Variants in ADAR observed in about 807,000 individuals in gnomAD.
The protein encoded by ADAR is adenosine deaminase RNA specific.
A neutral mutation model predicts 113.2 loss-of-function variants in ADAR; 41 were observed. The observed-to-expected ratio is 0.36, with a 90% CI of 0.28 to 0.47. The LOEUF (loss-of-function observed/expected upper bound fraction) is 0.47. Ranked by LOEUF, ADAR falls within the 20% of genes least tolerant of loss-of-function variation. The probability of loss-of-function intolerance (pLI) is 1.00; values close to 1 mark genes in which losing one functional copy is unlikely to be tolerated. For synonymous variants in ADAR, 605 were observed against 572.6 expected, an observed-to-expected ratio of 1.06 and a Z score of -0.81; for missense variants, 1,242 against 1,540.9, an observed-to-expected ratio of 0.81 and a Z score of 3.25.
chr1:154,613,633 G>A (rs763014888), intron 1 of ADAR, among the ~76,000 whole-genome samples: 21 of 152,010 alleles, frequency 1.4e-4, no homozygotes, highest in Non-Finnish European at 2.2e-4. Context: ...GGCCAGGCGC[G>A]GTGGCTCATG....
Position 154,590,419 on chromosome 1 carries a change from G to A in ADAR, c.2271-10C>T, listed in dbSNP as rs757060475. The A allele has an allele frequency of 6.2e-7, 1 of 1,613,294 alleles. No homozygotes were observed. The highest frequency in any genetic ancestry group is 8.5e-7 in the Non-Finnish European group (1 of 1,179,302). ...TGCTTGGTAAACGAACCTTTGGGAT[G>A]AGAAACAGAGAATGAAGACAAGTGC... On this transcript the variant is annotated splice_polypyrimidine_tract_variant and intron_variant, in intron 6 of 14. Coordinates refer to ENST00000368474, the MANE Select transcript of ADAR (RefSeq NM_001111.5).
At chr1:154,624,051 T>C (rs1426791459) in intron 1 of ADAR, among the ~76,000 whole-genome samples, 1 of 147,844 alleles carries the variant, frequency 6.8e-6, no homozygotes, top group African/African-American at 2.5e-5. Flanking sequence ...CAAGAGAGAA[T>C]GAAGTCAATA....
rs1470406907 is a variant in ADAR, at chr1:154,607,993, T to C, written c.14A>G (p.Gln5Arg). Reference protein sequence around the residue: MNPRQGYSLSGYYTH... With the variant: MNPRRGYSLSGYYTH... The stretch of plus-strand genomic sequence containing the variant: ...AGGTCCAAGGCCGGCCCGGCTTACC[T>C]GCCGCGGATTCATTGCGCCCGCGAG... The change falls in exon 1 of 15, where the codon CAG becomes CGG. Residue 5 changes from glutamine (Q) to arginine (R), a missense_variant and splice_region_variant. This residue lies in a region of ADAR where 462 missense variants were observed against 483.1 expected (regional missense o/e 0.96). Coordinates refer to ENST00000368474, the MANE Select transcript of ADAR (RefSeq NM_001111.5). The C allele has an allele frequency of 6.2e-7, 1 of 1,608,074 alleles. No individual in the cohort carries two copies. The highest frequency in any genetic ancestry group is 8.5e-7 in the Non-Finnish European group (1 of 1,177,708).
rs774772091 is a variant in ADAR at position 154,601,968 on chromosome 1, G to A, written c.674C>T (p.Pro225Leu). 8 of 1,614,040 alleles carry A rather than the reference G, an allele frequency of 5.0e-6. No homozygotes were observed. The highest frequency in any genetic ancestry group is 1.6e-4 in the Middle Eastern group (1 of 6,062). ...GHSQGAPNSDPSLEPEDRNST... is the reference protein window; with the variant it reads ...GHSQGAPNSDLSLEPEDRNST... ...GTTTCTGTCTTCCGGTTCCAAACTC[G>A]GGTCTGAGTTTGGGGCTCCTTGGCT... The change falls in exon 2 of 15, where the codon CCG becomes CTG. Residue 225 changes from proline (P) to leucine (L), a missense_variant. Transcript: ENST00000368474. This position sits in a 1 kb window ranked among gnomAD's most constrained non-coding sequence, Gnocchi z 4.7.
intron 1 of ADAR, 74 bp from the exon 2 acceptor site, chr1:154,602,700 G>C: frequency 6.4e-7 from 1 of 1,570,864 alleles, no homozygotes; most frequent in South Asian, 1.1e-5. Context: ...CCCTCCCTTT[G>C]CTGCCTGTGG....
chr1:154,589,307 G>T, intron 9 of ADAR, 62 bp downstream of exon 9: 2 of 1,317,294 alleles, frequency 1.5e-6, no homozygotes, highest in Non-Finnish European at 1.1e-6. Flanking sequence ...AGAGCCATGT[G>T]GGGCAGGGAA....
At position 154,598,566 on chromosome 1, in the gene ADAR, T is replaced by C; in HGVS notation, c.1621A>G (p.Ile541Val). Residue 541 changes from isoleucine to valine, a missense_variant, in exon 3 of 15, where the codon ATC becomes GTC. Transcript: ENST00000368474. ...GCTGGGGGAAACTCTCGGCCATTGA[T>C]GACAACCTGGAATTTAAATCTTGAC... ...HEPRFKFQVVINGREFPPAEA... is the reference protein window; with the variant it reads ...HEPRFKFQVVVNGREFPPAEA... 1 of 1,614,226 alleles carries C rather than the reference T, an allele frequency of 6.2e-7. No individual in the cohort carries two copies. The highest frequency in any genetic ancestry group is 8.5e-7 in the Non-Finnish European group (1 of 1,180,038).
In ADAR at chr1:154,622,065, A is replaced by G. The variant is rs139543306; in HGVS notation, c.-871+5790T>C. On this transcript the variant is annotated intron_variant, in intron 1 of 14. Coordinates refer to the ADAR transcript ENST00000368471. The stretch of plus-strand genomic sequence containing the variant: ...GGATGTGCTCTGCAGGGGCCTGAGG[A>G]TGTGGGTTTAGGCCCTCCCTGGGAG... Among the ~76,000 whole-genome samples, 6 of 152,136 alleles carry G rather than the reference A, an allele frequency of 3.9e-5. No individual in the cohort carries two copies. In the East Asian group the frequency reaches 1.2e-3, roughly 29 times the overall value.
At chr1:154,612,453 G>A (rs529826060), upstream of ADAR, among the ~76,000 whole-genome samples, 197 of 144,892 alleles carry the variant, frequency 1.4e-3, no homozygotes, top group African/African-American at 4.8e-3. Flanking sequence ...TCAGCCTCCC[G>A]AGTGGCTGGG....
chr1:154,594,369 C>A (rs551592428), intron 6 of ADAR, among the ~76,000 whole-genome samples: 3 of 152,308 alleles, frequency 2.0e-5, no homozygotes, highest in Admixed American at 2.0e-4. Context: ...TTTTTTCGAT[C>A]CTTCAAGAAA....
In ADAR at chr1:154,588,683, G is replaced by C. The variant is rs750394212; in HGVS notation, c.2763-10C>G. ...CTCACTGTAGAGAAACCTACAAAAAGAAAGTCTGGTTAGGAAGGCAGGTTC... is the reference window on the plus strand; with the variant it reads ...CTCACTGTAGAGAAACCTACAAAAACAAAGTCTGGTTAGGAAGGCAGGTTC... On this transcript the variant is annotated splice_polypyrimidine_tract_variant and intron_variant, in intron 9 of 14. Coordinates refer to ENST00000368474, the MANE Select transcript of ADAR (RefSeq NM_001111.5). 1.9e-5 allele frequency: 30 copies of C among 1,614,030 alleles called. No homozygotes were observed. In the East Asian group the frequency reaches 3.3e-4, roughly 18 times the overall value.
intron 6 of ADAR, among the ~76,000 whole-genome samples, chr1:154,594,303 T>G (rs1456044721): frequency 7.2e-5 from 11 of 152,200 alleles, no homozygotes; most frequent in Admixed American, 7.2e-4. Flanking sequence ...ATTCAAACAG[T>G]TAAGAGTGTA....
Position 154,601,810 on chromosome 1 carries a change from G to C in ADAR, c.832C>G (p.Pro278Ala). ...GCAGATGTGGAGTTGCTGTCTTCAGGTTCCAAACCTGGGTCTGAGTTTGGG... is the reference window on the plus strand; with the variant it reads ...GCAGATGTGGAGTTGCTGTCTTCAGCTTCCAAACCTGGGTCTGAGTTTGGG... ...GSPNSDPGLEPEDSNSTSALE... is the reference protein window; with the variant it reads ...GSPNSDPGLEAEDSNSTSALE... Residue 278 changes from proline to alanine, a missense_variant, in exon 2 of 15, where the codon CCT (proline) becomes GCT (alanine). By Grantham distance (27) the Pro-to-Ala change is conservative. Transcript: ENST00000368474. This position sits in a 1 kb window ranked among gnomAD's most constrained non-coding sequence, Gnocchi z 4.7. The C allele has an allele frequency of 1.9e-6, 3 of 1,614,204 alleles. No individual in the cohort carries two copies. The highest frequency in any genetic ancestry group is 2.5e-6 in the Non-Finnish European group (3 of 1,180,032).
rs1479892716 is a variant in ADAR at position 154,583,350 on chromosome 1, A to G, written c.*1456T>C. On this transcript the variant is annotated 3_prime_UTR_variant, in exon 15 of 15. Transcript: ENST00000368474. The stretch of plus-strand genomic sequence containing the variant: ...TAAAAGCCAACAAAGTCCCTTCAAC[A>G]TGAGTAAAGGAAACAGTTTCAAGCA... 6.6e-6 allele frequency: 1 copy of G among 152,204 alleles called. No individual in the cohort carries two copies. Among genetic ancestry groups the G allele is most frequent in the African/African-American group, 2.4e-5 (1 of 41,450 alleles). 9.4% of individuals were successfully genotyped at this position (152,204 alleles called of 1,614,324 possible). A position where few individuals can be genotyped will look rare whatever the true frequency, so the allele number is the denominator to read the frequency against.
In ADAR at chr1:154,585,309, T is replaced by C. The variant is rs1571047056; in HGVS notation, c.3351A>G (p.Gln1117=). ...CGCTTGTCTCCTTAGTCTTCCCGGA[T>C]TGCCTTTTGGAATCATATATGCTGA... ...GRVSIYDSKR[Q]SGKTKETSVN... is the part of the protein sequence containing the mutation. Residue 1117 remains glutamine (Q), a synonymous_variant, in exon 14 of 15, where the codon CAA becomes CAG. Coordinates refer to ENST00000368474, the MANE Select transcript of ADAR (RefSeq NM_001111.5). The C allele has an allele frequency of 6.2e-7, 1 of 1,614,028 alleles. No homozygotes were observed. Among genetic ancestry groups the C allele is most frequent in the African/African-American group, 1.3e-5 (1 of 74,898 alleles).
chr1:154,611,624 C>T (rs140870955), upstream of ADAR, among the ~76,000 whole-genome samples: 5 of 152,344 alleles, frequency 3.3e-5, no homozygotes, highest in African/African-American at 9.6e-5. Context: ...GCCTACCCTT[C>T]GAGCATTTTC....
chr1:154,627,251 G>A (rs1698966705), intron 1 of ADAR, among the ~76,000 whole-genome samples: 1 of 152,222 alleles, frequency 6.6e-6, no homozygotes, highest in African/African-American at 2.4e-5. Flanking sequence ...AGGAGGTGAC[G>A]CAACTAGGCC....
chr1:154,604,588 T>A (rs188510377), intron 1 of ADAR, among the ~76,000 whole-genome samples: 142 of 152,362 alleles, frequency 9.3e-4, no homozygotes, highest in Non-Finnish European at 1.0e-3. Flanking sequence ...CTTAGTTCAC[T>A]GTGGATTGAG....
chr1:154,627,914 A>AGCCTCCCCCCCCCCCCCCCC, exon 1 of ADAR: 2 of 463,282 alleles, frequency 4.3e-6, no homozygotes, highest in South Asian at 1.5e-5. Context: ...TGCGGCCGCG[A>AGCCTCCCCCCCCCCCCCCCC]CCCTCCCCCC....
Sources: gnomAD v4.1 joint callset for allele counts (sites outside exome capture counted in the v4.1 genomes callset) on GRCh38, gnomAD v4.1.1 for gene constraint, gnomAD v4.1.1 regional missense constraint, Gnocchi (gnomAD v3.1) non-coding constraint, MANE v1.5 for transcripts, NCBI Gene and HGNC (gene_info 2026-07-23, HGNC 2026-07-21) for gene names.